PIK3R4: variants seen among roughly 807,000 people sequenced by gnomAD.
The protein encoded by PIK3R4 is phosphoinositide 3-kinase regulatory subunit 4.
A neutral mutation model predicts 136.5 loss-of-function variants in PIK3R4; 46 were observed. The observed-to-expected ratio is 0.34, with a 90% CI of 0.27 to 0.43. The LOEUF is 0.43. Among genes scored for constraint, PIK3R4 ranks in the 20% least tolerant of loss-of-function variants. The pLI, the probability that PIK3R4 is intolerant of heterozygous loss-of-function variation, is 1.00. For missense variants in PIK3R4, 1,331 were observed against 1,649.5 expected (o/e 0.81, Z 3.35); for synonymous variants, 557 against 566.7 (o/e 0.98, Z 0.24).
chr3:130,686,119 T>C lies in PIK3R4; in HGVS notation c.3475+92A>G, dbSNP rs562932116. ...AAAAAAAGACGGGAAAAATTACCAA[T>C]GAACAAAGAGGAAAAAACTGATTTC... On this transcript the variant is annotated intron_variant, in intron 15 of 19. Coordinates refer to ENST00000356763, the MANE Select transcript of PIK3R4 (RefSeq NM_014602.3). The C allele has an allele frequency of 1.4e-5, 10 of 698,430 alleles. 1 individual carries two copies. Among genetic ancestry groups the C allele is most frequent in the Middle Eastern group, 6.5e-4 (2 of 3,070 alleles). The allele number at this position is 698,430 out of a possible 1,614,324, so 43.3% of individuals were successfully genotyped here. A position where few individuals can be genotyped will look rare whatever the true frequency, so the allele number is the denominator to read the frequency against.
At chr3:130,741,911 T>G (rs2066825953) in intron 2 of PIK3R4, among the ~76,000 whole-genome samples, 1 of 152,184 alleles carries the variant, frequency 6.6e-6, no homozygotes, top group Non-Finnish European at 1.5e-5. Flanking sequence ...ATATGGTAAG[T>G]CCTCAACGGT....
At chr3:130,742,079 C>T (rs1294919780) in intron 2 of PIK3R4, among the ~76,000 whole-genome samples, 6 of 152,174 alleles carry the variant, frequency 3.9e-5, no homozygotes, top group Admixed American at 6.5e-5. Flanking sequence ...CTATCAAGGA[C>T]GTCAGGACTC....
chr3:130,680,925 T>C (rs1405237073), intron 18 of PIK3R4, 52 bp downstream of exon 18: 4 of 938,836 alleles, frequency 4.3e-6, no homozygotes, highest in East Asian at 2.4e-5. Flanking sequence ...TCAGTATCTA[T>C]AATAACAGCT....
chr3:130,680,060 CAAAAAAAAA>C (rs1163413860), intron 19 of PIK3R4, among the ~76,000 whole-genome samples: 1 of 65,594 alleles, frequency 1.5e-5, no homozygotes, highest in Admixed American at 1.5e-4. Context: ...GACTCCATCT[CAAAAAAAAA>C]AAAAAAAAAA....
chr3:130,737,105 A>G (rs1392440056), intron 2 of PIK3R4, among the ~76,000 whole-genome samples: 1 of 152,164 alleles, frequency 6.6e-6, no homozygotes, highest in African/African-American at 2.4e-5. Context: ...CTAGAATGCT[A>G]TTCCCCCAAG....
chr3:130,681,420 G>C, intron 17 of PIK3R4, 71 bp downstream of exon 17: 1 of 1,022,550 alleles, frequency 9.8e-7, no homozygotes, highest in Non-Finnish European at 1.5e-6. Context: ...TACTAGGTTT[G>C]ATTAAATGCC....
At chr3:130,702,046 C>G (rs139597364) in intron 13 of PIK3R4, among the ~76,000 whole-genome samples, 12 of 151,698 alleles carry the variant, frequency 7.9e-5, no homozygotes, top group African/African-American at 2.9e-4. Context: ...GAGGCTGAGG[C>G]GGGAGGATTG....
In PIK3R4 at chr3:130,705,706, TA is replaced by T. The variant is rs1204175117; in HGVS notation, c.2786del (p.Leu929TyrfsTer32). The T allele has an allele frequency of 6.2e-7, 1 of 1,612,304 alleles. No homozygotes were observed. The highest frequency in any genetic ancestry group is 1.7e-5 in the Admixed American group (1 of 60,002). ...TAATTCGAATCTGATAGGTGGATGG[TA>T]AGATTGTACTACTTAAAACCGGTAT... ...PVIPVLSSTI[L>X]PSTYQIRITT... On this transcript the variant is annotated frameshift_variant, in exon 12 of 20. Coordinates refer to ENST00000356763, the MANE Select transcript of PIK3R4 (RefSeq NM_014602.3). LOFTEE classifies it high-confidence loss of function.
chr3:130,715,130 T>TC (rs1448093806), intron 9 of PIK3R4, among the ~76,000 whole-genome samples: 2 of 149,040 alleles, frequency 1.3e-5, no homozygotes, highest in East Asian at 3.9e-4. Context: ...ACTTTTTTTT[T>TC]TTTTTTTTTT....
At chr3:130,743,246 CA>C (rs1169924364) in intron 2 of PIK3R4, among the ~76,000 whole-genome samples, 2 of 150,832 alleles carry the variant, frequency 1.3e-5, no homozygotes, top group African/African-American at 4.9e-5. Context: ...TAGTCTCTAC[CA>C]AAAATGTTAA....
At position 130,718,537 on chromosome 3, in the gene PIK3R4, A is replaced by G; in HGVS notation, c.1982-3T>C. ...ATTGGGATGACACAGGAAGGGGGCT[A>G]AAGAGGAAAAGAAAAGGTAGGGATC... is the stretch of plus-strand genomic sequence containing the variant. On this transcript the variant is annotated splice_polypyrimidine_tract_variant and splice_region_variant and intron_variant, in intron 7 of 19. Coordinates refer to ENST00000356763, the MANE Select transcript of PIK3R4 (RefSeq NM_014602.3). The G allele has an allele frequency of 6.2e-7, 1 of 1,613,738 alleles. No individual in the cohort carries two copies.
At chr3:130,746,030 T>A (rs35512150) in intron 1 of PIK3R4, among the ~76,000 whole-genome samples, 1,512 of 125,184 alleles carry the variant, frequency 0.012, 17 homozygotes, top group East Asian at 0.06. Flanking sequence ...TCTCAAAAAA[T>A]AAAAAAAAAA....
rs2066592402 is a variant in PIK3R4 at position 130,703,788 on chromosome 3, A to G, written c.3033T>C (p.Cys1011=). The G allele has an allele frequency of 6.2e-7, 1 of 1,613,464 alleles. No homozygotes were observed. Among genetic ancestry groups the G allele is most frequent in the South Asian group, 1.1e-5 (1 of 91,066 alleles). Residue 1011 remains cysteine, a synonymous_variant, in exon 13 of 20, where the codon TGT becomes TGC. Transcript: ENST00000356763. ...AGATTTTCACTGTGCCATCATTTGA[A>G]CATGTTGCAAAAAGTGAGTGTTCAT... The part of the protein sequence containing the change: ...VSDEHSLFAT[C]SNDGTVKIWN...
chr3:130,706,361 T>A (rs2066606132), intron 11 of PIK3R4, among the ~76,000 whole-genome samples: 1 of 152,206 alleles, frequency 6.6e-6, no homozygotes, highest in Non-Finnish European at 1.5e-5. Context: ...GCCTATTTTA[T>A]AATAAAGTGT....
At chr3:130,714,883 T>C (rs2066653733) in intron 9 of PIK3R4, among the ~76,000 whole-genome samples, 1 of 152,186 alleles carries the variant, frequency 6.6e-6, no homozygotes, top group Non-Finnish European at 1.5e-5. Context: ...GTCTTTGCTA[T>C]TGTAAATAGT....
At chr3:130,726,660 T>A (rs373800763) in intron 6 of PIK3R4, among the ~76,000 whole-genome samples, 1 of 152,150 alleles carries the variant, frequency 6.6e-6, no homozygotes, top group South Asian at 2.1e-4. Flanking sequence ...TAATGGTCAT[T>A]TATTTTCTTC....
chr3:130,734,102 T>A lies in PIK3R4; in HGVS notation c.896A>T (p.Asp299Val). The stretch of plus-strand genomic sequence containing the variant: ...GTAATCTTCTGCCTCTAAACGTTTA[T>A]CTGGCTCACGGTGAATCATCTGAGT... The part of the protein sequence containing the change: ...LVTQMIHREP[D>V]KRLEAEDYLK... Residue 299 changes from aspartate to valine, a missense_variant, in exon 4 of 20, where the codon GAT becomes GTT. Asp to Val is a radical substitution (Grantham distance 152). Coordinates refer to ENST00000356763, the MANE Select transcript of PIK3R4 (RefSeq NM_014602.3). The A allele has an allele frequency of 1.2e-6, 2 of 1,613,578 alleles. No individual in the cohort carries two copies. Among genetic ancestry groups the A allele is most frequent in the South Asian group, 1.1e-5 (1 of 91,064 alleles).
At chr3:130,730,190 T>A (rs2066754139) in intron 5 of PIK3R4, 118 bp downstream of exon 5, 1 of 755,220 alleles carries the variant, frequency 1.3e-6, no homozygotes, top group Non-Finnish European at 2.1e-6. Context: ...TCTTCCTATC[T>A]AATATATAGA....
Position 130,733,544 on chromosome 3 carries a change from T to A in PIK3R4, c.1450+4A>T. On this transcript the variant is annotated splice_donor_region_variant and intron_variant, in intron 4 of 19. Transcript: ENST00000356763. ...TGGCTAATATTTGGACAATAAACTC[T>A]TACCAGCATAGGCTAGTCTAACGAT... is the stretch of plus-strand genomic sequence containing the variant. 6.3e-7 allele frequency: 1 copy of A among 1,590,294 alleles called. No individual in the cohort carries two copies. Among genetic ancestry groups the A allele is most frequent in the Non-Finnish European group, 8.6e-7 (1 of 1,159,090 alleles).
Sources: allele counts gnomAD v4.1 joint callset (sites outside exome capture counted in the v4.1 genomes callset), GRCh38; gene constraint gnomAD v4.1.1; transcripts MANE v1.5; gene names NCBI Gene and HGNC (gene_info 2026-07-23, HGNC 2026-07-21).